Variants in RABGAP1L observed in about 807,000 individuals in gnomAD.
RABGAP1L encodes rab GTPase-activating protein 1-like.
RABGAP1L carries 63 observed loss-of-function variants against 137.7 expected under a neutral mutation model. The ratio of observed to expected loss-of-function variants is 0.46; its 90% CI spans 0.37 to 0.56. The LOEUF is 0.56. RABGAP1L is among the 20% of genes least tolerant of loss of function. The probability of loss-of-function intolerance (pLI) is 0.00; values close to 1 mark genes in which losing one functional copy is unlikely to be tolerated. For missense variants in RABGAP1L, 1,095 were observed against 1,244.0 expected (o/e 0.88, Z 1.80); for synonymous variants, 431 against 433.7 (o/e 0.99, Z 0.08).
intron 17 of RABGAP1L, among the ~76,000 whole-genome samples, chr1:174,706,697 A>T (rs994030559): frequency 6.6e-6 from 1 of 152,220 alleles, no homozygotes; most frequent in Admixed American, 6.5e-5. Flanking sequence ...AAGGAACATT[A>T]TCTGCATTTC....
intron 18 of RABGAP1L, among the ~76,000 whole-genome samples, chr1:174,807,784 G>A (rs978021289): frequency 4.6e-5 from 7 of 151,964 alleles, no homozygotes; most frequent in African/African-American, 1.7e-4. Flanking sequence ...AACTTAGACT[G>A]CCCACTTTAT....
intron 7 of RABGAP1L, among the ~76,000 whole-genome samples, chr1:174,260,287 A>G (rs1244825674): frequency 1.3e-5 from 2 of 152,214 alleles, no homozygotes; most frequent in Non-Finnish European, 1.5e-5. Context: ...ATTCTTGATT[A>G]TATACTAGGT....
chr1:174,356,377 A>G (rs555230809), intron 11 of RABGAP1L, among the ~76,000 whole-genome samples: 1 of 152,132 alleles, frequency 6.6e-6, no homozygotes, highest in East Asian at 1.9e-4. Context: ...GTAGCTTTTA[A>G]AGTAATTCTC....
At chr1:174,679,039 C>G (rs967141183) in intron 14 of RABGAP1L, among the ~76,000 whole-genome samples, 1 of 152,150 alleles carries the variant, frequency 6.6e-6, no homozygotes. Context: ...AACAGAGCTC[C>G]CATGAAGTGG....
intron 13 of RABGAP1L, among the ~76,000 whole-genome samples, chr1:174,501,345 C>G (rs753807842): frequency 1.3e-5 from 2 of 151,936 alleles, no homozygotes; most frequent in African/African-American, 4.8e-5. Flanking sequence ...TCCTGAGTAG[C>G]TGGGACTACA....
intron 13 of RABGAP1L, among the ~76,000 whole-genome samples, chr1:174,406,935 G>T (rs571817927): frequency 6.6e-6 from 1 of 152,100 alleles, no homozygotes. Context: ...AAGAGCCTGG[G>T]ATTACACTCC....
At chr1:174,172,679 A>G (rs996852643) in intron 1 of RABGAP1L, among the ~76,000 whole-genome samples, 1 of 151,920 alleles carries the variant, frequency 6.6e-6, no homozygotes, top group African/African-American at 2.4e-5. Context: ...TTCTTTGCCC[A>G]TTTTTTAATT....
At chr1:174,365,560 C>G (rs753961059) in intron 11 of RABGAP1L, among the ~76,000 whole-genome samples, 3 of 152,094 alleles carry the variant, frequency 2.0e-5, no homozygotes, top group African/African-American at 7.2e-5. Flanking sequence ...AATGCTCCCT[C>G]TGTGTGTGGG....
intron 19 of RABGAP1L, among the ~76,000 whole-genome samples, chr1:174,931,024 A>G (rs1458938980): frequency 6.6e-6 from 1 of 151,906 alleles, no homozygotes; most frequent in Non-Finnish European, 1.5e-5. Flanking sequence ...TTTTTTTGTT[A>G]TTTTAGCCAG....
intron 24 of RABGAP1L, among the ~76,000 whole-genome samples, chr1:174,984,477 A>C (rs1054422325): frequency 6.6e-6 from 1 of 152,238 alleles, no homozygotes; most frequent in African/African-American, 2.4e-5. Context: ...GTGGTGGCTC[A>C]CGCCTGTAAT....
At chr1:174,293,451 T>G (rs1676815654) in intron 10 of RABGAP1L, among the ~76,000 whole-genome samples, 1 of 152,204 alleles carries the variant, frequency 6.6e-6, no homozygotes, top group African/African-American at 2.4e-5. Flanking sequence ...AATGAACATT[T>G]GGTATTTTCT....
At chr1:174,248,956 G>A (rs1464716575) in intron 5 of RABGAP1L, among the ~76,000 whole-genome samples, 2 of 151,916 alleles carry the variant, frequency 1.3e-5, no homozygotes, top group African/African-American at 2.4e-5. Context: ...CAACCTATGC[G>A]TGGGCTGAGA....
At chr1:174,462,983 A>C (rs1227410435) in intron 13 of RABGAP1L, among the ~76,000 whole-genome samples, 2 of 152,220 alleles carry the variant, frequency 1.3e-5, no homozygotes, top group East Asian at 3.9e-4. Flanking sequence ...CACCAGTTAG[A>C]ATGGCAATCA....
intron 19 of RABGAP1L, among the ~76,000 whole-genome samples, chr1:174,941,148 T>C (rs536305818): frequency 6.6e-6 from 1 of 152,348 alleles, no homozygotes; most frequent in African/African-American, 2.4e-5. Flanking sequence ...TCCTTCCATC[T>C]GGAACTTCTT....
intron 19 of RABGAP1L, among the ~76,000 whole-genome samples, chr1:174,938,233 TAG>T (rs1665238265): frequency 6.6e-6 from 1 of 152,232 alleles, no homozygotes; most frequent in South Asian, 2.1e-4. Flanking sequence ...TGTATGTCTG[TAG>T]ATTTCTCTGC....
At chr1:174,497,273 G>A (rs1380208186) in intron 13 of RABGAP1L, among the ~76,000 whole-genome samples, 2 of 152,094 alleles carry the variant, frequency 1.3e-5, no homozygotes, top group African/African-American at 4.8e-5. Context: ...CTTTTATCAA[G>A]TATAGTAATA....
chr1:174,849,237 CAT>C (rs1332901818), intron 19 of RABGAP1L, among the ~76,000 whole-genome samples: 1 of 152,110 alleles, frequency 6.6e-6, no homozygotes, highest in East Asian at 1.9e-4. Flanking sequence ...CCTATTCGGC[CAT>C]CTTGAAAATG....
chr1:174,326,701 A>G (rs1263537155), intron 11 of RABGAP1L, among the ~76,000 whole-genome samples: 5 of 152,210 alleles, frequency 3.3e-5, no homozygotes, highest in Non-Finnish European at 7.3e-5. Flanking sequence ...ATCCAGGTAT[A>G]ACAAGACTAG....
intron 13 of RABGAP1L, among the ~76,000 whole-genome samples, chr1:174,623,291 TG>T (rs1277508723): frequency 6.6e-6 from 1 of 152,234 alleles, no homozygotes; most frequent in African/African-American, 2.4e-5. Flanking sequence ...TCAAATTTTT[TG>T]ATGGCCAATT....
Sources: allele counts gnomAD v4.1 joint callset (sites outside exome capture counted in the v4.1 genomes callset), GRCh38; gene constraint gnomAD v4.1.1; transcripts MANE v1.5; gene names NCBI Gene and HGNC (gene_info 2026-07-23, HGNC 2026-07-21).